The following STOML2 variants were observed in gnomAD, a reference collection of about 807,000 sequenced individuals.
STOML2 encodes the protein stomatin-like protein 2, mitochondrial.
A neutral mutation model predicts 45.7 loss-of-function variants in STOML2; 22 were observed. The observed-to-expected ratio is 0.48, with a 90% CI of 0.34 to 0.69. The LOEUF (loss-of-function observed/expected upper bound fraction) is 0.69, where lower values mean the gene tolerates loss of function less well. Among genes scored for constraint, STOML2 ranks in the 30% least tolerant of loss-of-function variants. The pLI is 0.01. For synonymous variants in STOML2, 181 were observed against 182.7 expected, an observed-to-expected ratio of 0.99 and a Z score of 0.08; for missense variants, 359 against 466.9, an observed-to-expected ratio of 0.77 and a Z score of 2.13.
Position 35,102,883 on chromosome 9 carries a change from C to A in STOML2, c.46-60G>T. On this transcript the variant is annotated intron_variant, in intron 1 of 9. Coordinates refer to ENST00000356493, the MANE Select transcript of STOML2 (RefSeq NM_013442.3). This position sits in a 1 kb window ranked among gnomAD's most constrained non-coding sequence, Gnocchi z 4.8. Reference sequence around the variant, plus strand: ...CTGGCCAGACACGCCGCCCCTCGGTCCTGAAGGCATCTCCATAAACCACGA... The same window carrying A: ...CTGGCCAGACACGCCGCCCCTCGGTACTGAAGGCATCTCCATAAACCACGA... 6.3e-7 allele frequency: 1 copy of A among 1,594,444 alleles called. No individual in the cohort carries two copies. The highest frequency in any genetic ancestry group is 1.1e-5 in the South Asian group (1 of 88,992).
In STOML2 at chr9:35,101,841, T is replaced by A; in HGVS notation, c.343-30A>T. 6.2e-7 allele frequency: 1 copy of A among 1,614,030 alleles called. No homozygotes were observed. Among genetic ancestry groups the A allele is most frequent in the Non-Finnish European group, 8.5e-7 (1 of 1,179,992 alleles). On this transcript the variant is annotated intron_variant, in intron 4 of 9. Transcript: ENST00000356493. The surrounding 1 kb of genome is among the most constrained non-coding windows in gnomAD (Gnocchi z 4.3). ...GATGGACACGGATAGTGTAAGAAGC[T>A]TGGGCACAAGATTTTAGTGAAGAGG...
At position 35,100,776 on chromosome 9, in the gene STOML2, G is replaced by A. The variant is rs552461138; in HGVS notation, c.805-50C>T. On this transcript the variant is annotated intron_variant, in intron 8 of 9. Coordinates refer to ENST00000356493, the MANE Select transcript of STOML2 (RefSeq NM_013442.3). ...CAGAGATCACCGATACGGAGAAGAAGGGGGGGATGGGGAATGAAGAAAGCA... is the reference window on the plus strand; with the variant it reads ...CAGAGATCACCGATACGGAGAAGAAAGGGGGGATGGGGAATGAAGAAAGCA... 2.0e-5 allele frequency: 33 copies of A among 1,611,946 alleles called. No homozygotes were observed. The South Asian group carries it at 2.5e-4, about 12-fold the overall frequency.
In STOML2 at chr9:35,101,475, A is replaced by T. The variant is rs1382962039; in HGVS notation, c.530T>A (p.Ile177Asn). 6.2e-7 allele frequency: 1 copy of T among 1,613,970 alleles called. No homozygotes were observed. Among genetic ancestry groups the T allele is most frequent in the Non-Finnish European group, 8.5e-7 (1 of 1,180,006 alleles). ...CCGGGGTGGCACATGGATATCCTTG[A>T]TCTCATAACGGAGGCAGCGGATACC... ...CWGIRCLRYE[I>N]KDIHVPPRVK... Residue 177 changes from isoleucine to asparagine, a missense_variant, in exon 6 of 10, where the codon ATC (isoleucine) becomes AAC (asparagine). Physicochemically the swap from Ile to Asn is moderately radical, Grantham distance 149 (BLOSUM62 -3). This residue lies in a region of STOML2 where 285 missense variants were observed against 422.0 expected (regional missense o/e 0.68). Transcript: ENST00000356493. This position sits in a 1 kb window ranked among gnomAD's most constrained non-coding sequence, Gnocchi z 4.3.
intron 8 of STOML2, 92 bp from the exon 9 acceptor site, chr9:35,100,818 A>T: frequency 6.2e-7 from 1 of 1,611,748 alleles, no homozygotes; most frequent in Non-Finnish European, 8.5e-7. Context: ...AATAAAAAGG[A>T]CCATGTAATC....
upstream of STOML2, chr9:35,103,166 C>G: frequency 6.3e-7 from 1 of 1,582,840 alleles, no homozygotes; most frequent in Non-Finnish European, 8.6e-7. Context: ...CCTACCCGAG[C>G]CTTTCCTCTT....
At position 35,102,781 on chromosome 9, in the gene STOML2, A is replaced by G; in HGVS notation, c.88T>C (p.Ser30Pro). 6.2e-7 allele frequency: 1 copy of G among 1,614,108 alleles called. No individual in the cohort carries two copies. Among genetic ancestry groups the G allele is most frequent in the Non-Finnish European group, 8.5e-7 (1 of 1,180,020 alleles). Residue 30 changes from serine (S) to proline (P), a missense_variant, in exon 2 of 10, where the codon TCT (serine) becomes CCT (proline). This residue lies in a region of STOML2 where 74 missense variants were observed against 45.0 expected (regional missense o/e 1.65). Coordinates refer to ENST00000356493, the MANE Select transcript of STOML2 (RefSeq NM_013442.3). The surrounding 1 kb of genome is among the most constrained non-coding windows in gnomAD (Gnocchi z 4.8). ...ASGRAPRRAS[S>P]GLPRNTVVLF... is the part of the protein sequence containing the mutation. ...ACCACGGTGTTTCGGGGCAATCCAGAGGAGGCGCGGCGCGGAGCGCGGCCA... is the reference window on the plus strand; with the variant it reads ...ACCACGGTGTTTCGGGGCAATCCAGGGGAGGCGCGGCGCGGAGCGCGGCCA...
chr9:35,102,811 C>A lies in STOML2; in HGVS notation c.58G>T (p.Ala20Ser), dbSNP rs1393179255. The A allele has an allele frequency of 6.2e-7, 1 of 1,614,038 alleles. No homozygotes were observed. Among genetic ancestry groups the A allele is most frequent in the Non-Finnish European group, 8.5e-7 (1 of 1,179,972 alleles). The part of the protein sequence containing the change: ...GALLLRGSLL[A>S]SGRAPRRASS... ...GCGCGGCGCGGAGCGCGGCCAGAAG[C>A]CAGTAGAGAGCCCTGAAGGAAAGAA... Residue 20 changes from alanine (A) to serine (S), a missense_variant, in exon 2 of 10, where the codon GCT becomes TCT. Coordinates refer to ENST00000356493, the MANE Select transcript of STOML2 (RefSeq NM_013442.3). This position sits in a 1 kb window ranked among gnomAD's most constrained non-coding sequence, Gnocchi z 4.8.
chr9:35,101,587 G>C lies in STOML2; in HGVS notation c.445-27C>G. On this transcript the variant is annotated intron_variant, in intron 5 of 9. Transcript: ENST00000356493. The surrounding 1 kb of genome is among the most constrained non-coding windows in gnomAD (Gnocchi z 4.3). ...TGGAAAAAGAGGTGTAAGCCCCACA[G>C]CCTCAACCTACCTATCAAGGGCCTA... 6.2e-7 allele frequency: 1 copy of C among 1,613,934 alleles called. No individual in the cohort carries two copies. The highest frequency in any genetic ancestry group is 1.3e-5 in the African/African-American group (1 of 75,044).
chr9:35,102,848 G>T lies in STOML2; in HGVS notation c.46-25C>A. The T allele has an allele frequency of 6.2e-7, 1 of 1,612,096 alleles. No individual in the cohort carries two copies. The highest frequency in any genetic ancestry group is 1.1e-5 in the South Asian group (1 of 90,906). On this transcript the variant is annotated intron_variant, in intron 1 of 9. Transcript: ENST00000356493. The surrounding 1 kb of genome is among the most constrained non-coding windows in gnomAD (Gnocchi z 4.8). ...CCTGAAGGAAAGAAGAGGGTGAGCA[G>T]AGATCCCATCTGGCCAGACACGCCG... is the stretch of plus-strand genomic sequence containing the variant.
In STOML2 at chr9:35,100,169, T is replaced by C; in HGVS notation, c.937A>G (p.Met313Val). ...TTGGTGAGGGCTCCATATACACCCATGGCCTGAGGAGAGGAACAGAGAGAA... is the reference window on the plus strand; with the variant it reads ...TTGGTGAGGGCTCCATATACACCCACGGCCTGAGGAGAGGAACAGAGAGAA... ...GDVTSMVAQA[M>V]GVYGALTKAP... The change falls in exon 10 of 10, where the codon ATG (methionine) becomes GTG (valine). Residue 313 changes from methionine to valine, a missense_variant. Around this residue, in one of 2 missense-constraint regions of STOML2, gnomAD observed 285 missense variants for 422.0 expected, o/e 0.68. Transcript: ENST00000356493. The C allele has an allele frequency of 1.2e-6, 2 of 1,613,932 alleles. No individual in the cohort carries two copies. Among genetic ancestry groups the C allele is most frequent in the Non-Finnish European group, 1.7e-6 (2 of 1,179,944 alleles).
In STOML2 at chr9:35,102,624, A is replaced by G; in HGVS notation, c.183+62T>C. ...CAGGCCCAAAGGAAGTCCTCCCGAC[A>G]TTGCATGTCGTGAGGGATTGGTCAT... On this transcript the variant is annotated intron_variant, in intron 2 of 9. Transcript: ENST00000356493. The surrounding 1 kb of genome is among the most constrained non-coding windows in gnomAD (Gnocchi z 4.8). 1 of 1,595,080 alleles carries G rather than the reference A, an allele frequency of 6.3e-7. No homozygotes were observed. Among genetic ancestry groups the G allele is most frequent in the Non-Finnish European group, 8.5e-7 (1 of 1,171,664 alleles).
chr9:35,099,840 A>G lies in STOML2; in HGVS notation c.*195T>C. On this transcript the variant is annotated 3_prime_UTR_variant, in exon 10 of 10. Coordinates refer to ENST00000356493, the MANE Select transcript of STOML2 (RefSeq NM_013442.3). ...CATCATGCTGACAGGACTGGATCCA[A>G]GGAAAATGCTAGTGACTTTCCCAAC... 2 of 598,878 alleles carry G rather than the reference A, an allele frequency of 3.3e-6. No homozygotes were observed. 37.1% of individuals were successfully genotyped at this position (598,878 alleles called of 1,614,324 possible). A position where few individuals can be genotyped will look rare whatever the true frequency, so the allele number is the denominator to read the frequency against.
chr9:35,100,926 T>A lies in STOML2; in HGVS notation c.804+6A>T, dbSNP rs751349927. The A allele has an allele frequency of 6.2e-7, 1 of 1,614,190 alleles. No homozygotes were observed. The highest frequency in any genetic ancestry group is 1.1e-5 in the South Asian group (1 of 91,082). On this transcript the variant is annotated splice_donor_region_variant and intron_variant, in intron 8 of 9. Transcript: ENST00000356493. Reference sequence around the variant, plus strand: ...CTGTCCCCATTCCCACCCAGGGGCCTCTCACATGTTGTGTCAGAGCTGCAG... The same window carrying A: ...CTGTCCCCATTCCCACCCAGGGGCCACTCACATGTTGTGTCAGAGCTGCAG...
rs1829807016 is a variant in STOML2, at chr9:35,101,131, T to C, written c.724+4A>G. 3 of 1,614,242 alleles carry C rather than the reference T, an allele frequency of 1.9e-6. No individual in the cohort carries two copies. The African/African-American group carries it at 4.0e-5, about 22-fold the overall frequency. ...TCCTCCCTCAGCCTCTACCCTCTCC[T>C]GACCTGCTGCCTGATTTATCTGTTC... On this transcript the variant is annotated splice_donor_region_variant and intron_variant, in intron 7 of 9. Coordinates refer to ENST00000356493, the MANE Select transcript of STOML2 (RefSeq NM_013442.3). The surrounding 1 kb of genome is among the most constrained non-coding windows in gnomAD (Gnocchi z 4.3).
In STOML2 at chr9:35,102,954, C is replaced by T; in HGVS notation, c.45+96G>A. 1.3e-6 allele frequency: 2 copies of T among 1,591,894 alleles called. No individual in the cohort carries two copies. Among genetic ancestry groups the T allele is most frequent in the Non-Finnish European group, 1.7e-6 (2 of 1,166,656 alleles). ...TCACATGGGGACCATGACCTCTGACCCCAGTCCTCTCCAAAAGTTGGAATT... is the reference window on the plus strand; with the variant it reads ...TCACATGGGGACCATGACCTCTGACTCCAGTCCTCTCCAAAAGTTGGAATT... On this transcript the variant is annotated intron_variant, in intron 1 of 9. Coordinates refer to ENST00000356493, the MANE Select transcript of STOML2 (RefSeq NM_013442.3). This position sits in a 1 kb window ranked among gnomAD's most constrained non-coding sequence, Gnocchi z 4.8.
At chr9:35,103,011 C>T (rs1332858365) in intron 1 of STOML2, 39 bp downstream of exon 1, 10 of 1,612,874 alleles carry the variant, frequency 6.2e-6, no homozygotes, top group Non-Finnish European at 8.5e-6. Flanking sequence ...CCCAGGTAAT[C>T]TCTGTCCTGA....
chr9:35,100,538 G>A, intron 9 of STOML2, 60 bp downstream of exon 9: 1 of 1,590,732 alleles, frequency 6.3e-7, no homozygotes, highest in Non-Finnish European at 8.6e-7. Flanking sequence ...TGACGGTGGT[G>A]GGGTCTCAGT....
chr9:35,101,046 G>A lies in STOML2; in HGVS notation c.725-35C>T, dbSNP rs1003011427. On this transcript the variant is annotated intron_variant, in intron 7 of 9. Transcript: ENST00000356493. This position sits in a 1 kb window ranked among gnomAD's most constrained non-coding sequence, Gnocchi z 4.3. ...AAGGGACAGAGCTTGCTTGACCCATGAAGTCAAAGTACCCCAAAGATCCTG... is the reference window on the plus strand; with the variant it reads ...AAGGGACAGAGCTTGCTTGACCCATAAAGTCAAAGTACCCCAAAGATCCTG... The A allele has an allele frequency of 2.5e-6, 4 of 1,612,332 alleles. No homozygotes were observed. In the African/African-American group the frequency reaches 5.3e-5, roughly 22 times the overall value.
rs1366111450 is a variant in STOML2, at chr9:35,103,067, C to T, written c.28G>A (p.Gly10Arg). MLARAARGT[G>R]ALLLRGSLLA... ...GCTCTCACCCTCAGCAAAAGGGCCC[C>T]AGTGCCCCGCGCCGCGCGCGCCAGC... Residue 10 changes from glycine (G) to arginine (R), a missense_variant, in exon 1 of 10, where the codon GGG (glycine) becomes AGG (arginine). Gly to Arg is a moderately radical substitution (Grantham distance 125, BLOSUM62 -2). Transcript: ENST00000356493. The T allele has an allele frequency of 6.2e-7, 1 of 1,614,044 alleles. No homozygotes were observed.
Sources: gnomAD v4.1 joint callset for allele counts on GRCh38, gnomAD v4.1.1 for gene constraint, gnomAD v4.1.1 regional missense constraint, Gnocchi (gnomAD v3.1) non-coding constraint, MANE v1.5 for transcripts, NCBI Gene and HGNC (gene_info 2026-07-23, HGNC 2026-07-21) for gene names.